The following IQCH variants were observed in gnomAD, a reference collection of about 807,000 sequenced individuals.
The protein encoded by IQCH is IQ domain-containing protein H.
In IQCH, 98 loss-of-function variants were observed where a neutral mutation model predicts 117.0. That is an observed-to-expected ratio of 0.84 (90% CI 0.71 to 0.99). The LOEUF (loss-of-function observed/expected upper bound fraction) is 0.99, where lower values mean the gene tolerates loss of function less well. Ranked by LOEUF, IQCH falls within the 50% of genes least tolerant of loss-of-function variation. The pLI, the probability that IQCH is intolerant of heterozygous loss-of-function variation, is 0.00. For synonymous variants in IQCH, 412 were observed against 448.2 expected (o/e 0.92, Z 1.02); for missense variants, 1,102 against 1,243.8 (o/e 0.89, Z 1.72).
chr15:67,367,453 C>G (rs1970374953), intron 8 of IQCH, among the ~76,000 whole-genome samples: 1 of 152,094 alleles, frequency 6.6e-6, no homozygotes, highest in Admixed American at 6.6e-5. Context: ...GTGAGAGGAT[C>G]ACTTGTGCCC....
chr15:67,485,898 C>T (rs1011180685), intron 18 of IQCH, among the ~76,000 whole-genome samples: 1 of 152,054 alleles, frequency 6.6e-6, no homozygotes, highest in East Asian at 1.9e-4. Context: ...ACCTCATGAT[C>T]GGCCCGCCTC....
At chr15:67,460,511 C>G (rs1188716017) in intron 16 of IQCH, among the ~76,000 whole-genome samples, 2 of 152,184 alleles carry the variant, frequency 1.3e-5, no homozygotes, top group Non-Finnish European at 2.9e-5. Flanking sequence ...GTGTCATAGT[C>G]TTTTTAGCCA....
Position 67,433,897 on chromosome 15 carries a change from TG to T in IQCH, c.2505+12321del, listed in dbSNP as rs1389580788. On this transcript the variant is annotated intron_variant, in intron 16 of 20. Transcript: ENST00000335894. The surrounding 1 kb of genome is among the most constrained non-coding windows in gnomAD (Gnocchi z 5.4). The stretch of plus-strand genomic sequence containing the variant: ...TGTCACCTGTGGTCAAGACTTTTTA[TG>T]TGATAAATTTTCTCTTACAAAATTG... 6.6e-6 allele frequency among the ~76,000 whole-genome samples: 1 copy of T among 152,216 alleles called. No individual in the cohort carries two copies. The highest frequency in any genetic ancestry group is 6.5e-5 in the Admixed American group (1 of 15,274).
At position 67,421,273 on chromosome 15, in the gene IQCH, C is replaced by T; in HGVS notation, c.2219-18C>T. The T allele has an allele frequency of 6.2e-7, 1 of 1,607,972 alleles. No homozygotes were observed. The highest frequency in any genetic ancestry group is 8.5e-7 in the Non-Finnish European group (1 of 1,175,826). Reference sequence around the variant, plus strand: ...AAATGCATGTGTCCTTTCACCTACTCCATGTTTTTCCCACCAGGGGGTGTG... The same window carrying T: ...AAATGCATGTGTCCTTTCACCTACTTCATGTTTTTCCCACCAGGGGGTGTG... On this transcript the variant is annotated intron_variant, in intron 15 of 20. Coordinates refer to ENST00000335894, the MANE Select transcript of IQCH (RefSeq NM_001031715.3).
rs1465054919 is a variant in IQCH at position 67,424,123 on chromosome 15, C to A, written c.2505+2546C>A. 1.3e-5 allele frequency among the ~76,000 whole-genome samples: 2 copies of A among 152,156 alleles called. No individual in the cohort carries two copies. Among genetic ancestry groups the A allele is most frequent in the African/African-American group, 4.8e-5 (2 of 41,428 alleles). On this transcript the variant is annotated intron_variant, in intron 16 of 20. Coordinates refer to ENST00000335894, the MANE Select transcript of IQCH (RefSeq NM_001031715.3). This position sits in a 1 kb window ranked among gnomAD's most constrained non-coding sequence, Gnocchi z 4.9. ...CACTTGGCTGGTTCCATGTACCTGG[C>A]CAGTCTTGTCTCACCCTAACTTGCC...
rs560337579 is a variant in IQCH at position 67,346,696 on chromosome 15, C to T, written c.637+2505C>T. The stretch of plus-strand genomic sequence containing the variant: ...CCTGCTATAGAAGACTATGATAGAA[C>T]GGTATTATAGGCCATGTAGACCATT... On this transcript the variant is annotated intron_variant, in intron 6 of 20. Coordinates refer to ENST00000335894, the MANE Select transcript of IQCH (RefSeq NM_001031715.3). Among the ~76,000 whole-genome samples, 171 of 152,226 alleles carry T rather than the reference C, an allele frequency of 1.1e-3. 2 individuals carry two copies. The highest frequency in any genetic ancestry group is 3.9e-3 in the African/African-American group (161 of 41,530).
chr15:67,316,594 C>T (rs1306116684), intron 4 of IQCH, among the ~76,000 whole-genome samples: 1 of 152,146 alleles, frequency 6.6e-6, no homozygotes, highest in African/African-American at 2.4e-5. Flanking sequence ...GCTAACATTT[C>T]TGAGGGCTTC....
intron 1 of IQCH, among the ~76,000 whole-genome samples, chr15:67,260,427 T>C (rs1421413088): frequency 6.6e-6 from 1 of 152,160 alleles, no homozygotes; most frequent in African/African-American, 2.4e-5. Flanking sequence ...TCTCACTACA[T>C]AAAACAAAAT....
chr15:67,330,390 A>T (rs575202477), intron 4 of IQCH, among the ~76,000 whole-genome samples: 1 of 152,376 alleles, frequency 6.6e-6, no homozygotes, highest in East Asian at 1.9e-4. Flanking sequence ...CACTCTGCAC[A>T]TTGCTAATTA....
intron 18 of IQCH, among the ~76,000 whole-genome samples, chr15:67,488,443 T>A (rs4776935): frequency 0.69 from 105,014 of 152,126 alleles, 36,896 homozygotes; most frequent in Middle Eastern, 0.82. Flanking sequence ...GCAAAATAGG[T>A]TTTTCCACAA....
intron 20 of IQCH, among the ~76,000 whole-genome samples, chr15:67,498,628 A>AAAAAAATT (rs60915720): frequency 6.7e-6 from 1 of 148,776 alleles, no homozygotes; most frequent in Non-Finnish European, 1.5e-5. Flanking sequence ...AAAAAAAAAA[A>AAAAAAATT]TAAGTTAAAA....
chr15:67,312,919 A>G (rs1240549096), intron 4 of IQCH, among the ~76,000 whole-genome samples: 3 of 152,180 alleles, frequency 2.0e-5, no homozygotes, highest in Non-Finnish European at 4.4e-5. Context: ...GAATTCAAGT[A>G]TACATTCCTA....
chr15:67,343,378 C>G (rs1406193633), intron 5 of IQCH, among the ~76,000 whole-genome samples: 2 of 152,236 alleles, frequency 1.3e-5, no homozygotes, highest in Non-Finnish European at 2.9e-5. Flanking sequence ...TTCCCTCTAA[C>G]AGCAGGCTTG....
intron 16 of IQCH, among the ~76,000 whole-genome samples, chr15:67,442,476 G>T (rs372441334): frequency 6.6e-6 from 1 of 151,356 alleles, no homozygotes; most frequent in African/African-American, 2.4e-5. Context: ...AAACCACAAT[G>T]CAATACCACC....
At position 67,465,227 on chromosome 15, in the gene IQCH, C is replaced by T; in HGVS notation, c.2606C>T (p.Thr869Ile). 1.9e-6 allele frequency: 3 copies of T among 1,614,094 alleles called. No homozygotes were observed. Among genetic ancestry groups the T allele is most frequent in the Non-Finnish European group, 2.5e-6 (3 of 1,180,022 alleles). ...TNGHLDCSLS[T>I]LEVPRFVPKE... ...GGCCATCTGGATTGCAGTTTGAGCA[C>T]CCTGGAAGTGCCCCGCTTTGTTCCA... Residue 869 changes from threonine (T) to isoleucine (I), a missense_variant, in exon 17 of 21, where the codon ACC (threonine) becomes ATC (isoleucine). By Grantham distance (89) the Thr-to-Ile change is moderately conservative. Around this residue, in one of 2 missense-constraint regions of IQCH, gnomAD observed 650 missense variants for 794.3 expected, o/e 0.82. Transcript: ENST00000335894. This position sits in a 1 kb window ranked among gnomAD's most constrained non-coding sequence, Gnocchi z 5.9.
intron 6 of IQCH, among the ~76,000 whole-genome samples, chr15:67,354,247 T>G (rs765627043): frequency 1.3e-5 from 2 of 152,178 alleles, no homozygotes. Flanking sequence ...TTTTTAAATG[T>G]TCATCATAAT....
intron 5 of IQCH, among the ~76,000 whole-genome samples, chr15:67,340,509 T>C (rs1288476924): frequency 3.8e-5 from 5 of 131,238 alleles, no homozygotes; most frequent in African/African-American, 1.5e-4. Flanking sequence ...TTCTCAAATA[T>C]AAAATTCTAG....
chr15:67,408,814 A>G lies in IQCH; in HGVS notation c.2098-8117A>G, dbSNP rs1184876624. ...TTCTCTAACTGGAAAGAAAGACCCT[A>G]TTACCAGTAATGATAATTATGGCTA... On this transcript the variant is annotated intron_variant, in intron 14 of 20. Transcript: ENST00000335894. The surrounding 1 kb of genome is among the most constrained non-coding windows in gnomAD (Gnocchi z 4.2). 1.3e-5 allele frequency among the ~76,000 whole-genome samples: 2 copies of G among 152,178 alleles called. No individual in the cohort carries two copies. Among genetic ancestry groups the G allele is most frequent in the Non-Finnish European group, 2.9e-5 (2 of 68,026 alleles).
At chr15:67,495,939 T>C (rs965386456) in intron 20 of IQCH, among the ~76,000 whole-genome samples, 2 of 152,244 alleles carry the variant, frequency 1.3e-5, no homozygotes, top group Non-Finnish European at 2.9e-5. Flanking sequence ...TAGTATTTTC[T>C]GTCTCCTACT....
Sources: allele counts gnomAD v4.1 joint callset (sites outside exome capture counted in the v4.1 genomes callset), GRCh38; gene constraint gnomAD v4.1.1; regional missense constraint gnomAD v4.1.1; non-coding constraint Gnocchi (gnomAD v3.1); transcripts MANE v1.5; gene names NCBI Gene and HGNC (gene_info 2026-07-23, HGNC 2026-07-21).